The following KCTD8 variants were observed in gnomAD, a reference collection of about 807,000 sequenced individuals.
KCTD8 encodes BTB/POZ domain-containing protein KCTD8.
In KCTD8, 27 loss-of-function variants were observed where a neutral mutation model predicts 31.5. The ratio of observed to expected loss-of-function variants is 0.86; its 90% CI spans 0.63 to 1.18. The LOEUF is 1.18. Ranked by LOEUF, KCTD8 falls within the 50% of genes most tolerant of loss-of-function variation. The pLI, the probability that KCTD8 is intolerant of heterozygous loss-of-function variation, is 0.00. For synonymous variants in KCTD8, 290 were observed against 280.0 expected (o/e 1.04, Z -0.36); for missense variants, 658 against 647.7 (o/e 1.02, Z -0.17).
intron 1 of KCTD8, among the ~76,000 whole-genome samples, chr4:44,444,935 A>G (rs920262363): frequency 5.9e-5 from 9 of 152,206 alleles, no homozygotes; most frequent in African/African-American, 2.2e-4. Context: ...CACACAACAA[A>G]TAAATATTTG....
intron 1 of KCTD8, among the ~76,000 whole-genome samples, chr4:44,220,015 G>A (rs1357742979): frequency 6.6e-6 from 1 of 152,154 alleles, no homozygotes; most frequent in Non-Finnish European, 1.5e-5. Flanking sequence ...TTCTGTTTTA[G>A]AAGTAATGGT....
intron 1 of KCTD8, among the ~76,000 whole-genome samples, chr4:44,187,931 A>T (rs1470508965): frequency 6.6e-6 from 1 of 151,686 alleles, no homozygotes. Context: ...AGTGACAATA[A>T]GGGAAGCAGA....
chr4:44,329,452 A>AT (rs1279221541), intron 1 of KCTD8, among the ~76,000 whole-genome samples: 1 of 151,924 alleles, frequency 6.6e-6, no homozygotes, highest in East Asian at 1.9e-4. Context: ...TTATCTTCTA[A>AT]TTTTTTAAAG....
At chr4:44,234,333 C>G (rs1237491171) in intron 1 of KCTD8, among the ~76,000 whole-genome samples, 1 of 152,110 alleles carries the variant, frequency 6.6e-6, no homozygotes, top group Admixed American at 6.6e-5. Context: ...TAGGAGGCTC[C>G]AATCTACTCT....
chr4:44,253,247 A>G (rs1029246365), intron 1 of KCTD8, among the ~76,000 whole-genome samples: 8 of 151,744 alleles, frequency 5.3e-5, no homozygotes, highest in African/African-American at 1.7e-4. Flanking sequence ...GAGTCATGCC[A>G]TCTGGGCCTG....
At chr4:44,291,062 T>G (rs777873204) in intron 1 of KCTD8, among the ~76,000 whole-genome samples, 1 of 151,910 alleles carries the variant, frequency 6.6e-6, no homozygotes, top group Non-Finnish European at 1.5e-5. Context: ...TATTAGACCA[T>G]TAGATAGATT....
chr4:44,318,520 A>G (rs1718204841), intron 1 of KCTD8, among the ~76,000 whole-genome samples: 1 of 152,228 alleles, frequency 6.6e-6, no homozygotes. Flanking sequence ...GGAATAATCA[A>G]TATTGCTAAA....
intron 1 of KCTD8, among the ~76,000 whole-genome samples, chr4:44,273,156 T>TA (rs1040682071): frequency 8.6e-5 from 13 of 151,810 alleles, no homozygotes; most frequent in Non-Finnish European, 1.3e-4. Flanking sequence ...GTTTCCAAAG[T>TA]AAAAAAAATC....
At chr4:44,375,740 C>T (rs994332955) in intron 1 of KCTD8, among the ~76,000 whole-genome samples, 7 of 152,056 alleles carry the variant, frequency 4.6e-5, no homozygotes, top group African/African-American at 1.7e-4. Context: ...ACTGGGAAGG[C>T]AGAACAGACG....
At chr4:44,418,181 T>C (rs950166835) in intron 1 of KCTD8, among the ~76,000 whole-genome samples, 6 of 152,064 alleles carry the variant, frequency 3.9e-5, no homozygotes, top group Non-Finnish European at 7.4e-5. Context: ...CACCTAACTA[T>C]ATGGCTTTAA....
At chr4:44,440,064 T>G (rs1721780563) in intron 1 of KCTD8, among the ~76,000 whole-genome samples, 1 of 151,996 alleles carries the variant, frequency 6.6e-6, no homozygotes, top group African/African-American at 2.4e-5. Context: ...CCCAAGTAGC[T>G]GGGATTACAG....
Position 44,447,639 on chromosome 4 carries a change from G to T in KCTD8, c.885C>A (p.Ser295=). 1.2e-6 allele frequency: 2 copies of T among 1,608,638 alleles called. No homozygotes were observed. The highest frequency in any genetic ancestry group is 1.1e-5 in the South Asian group (1 of 89,938). ...EAGFHMVACN[S]SGTAAFVNQY... is the part of the protein sequence containing the mutation. ...GGTTGACGAAGGCGGCGGTGCCCGA[G>T]GAGTTACACGCCACCATGTGGAAGC... is the stretch of plus-strand genomic sequence containing the variant. The change falls in exon 1 of 2, where the codon TCC becomes TCA. Residue 295 remains serine (S), a synonymous_variant. Transcript: ENST00000360029.
intron 1 of KCTD8, among the ~76,000 whole-genome samples, chr4:44,223,940 A>T (rs535657885): frequency 1.3e-3 from 191 of 152,314 alleles, no homozygotes; most frequent in African/African-American, 4.3e-3. Flanking sequence ...AGCCTGAAAT[A>T]TTTATTATCT....
intron 1 of KCTD8, among the ~76,000 whole-genome samples, chr4:44,332,138 C>G (rs1428690296): frequency 1.3e-5 from 2 of 151,786 alleles, no homozygotes; most frequent in African/African-American, 2.4e-5. Flanking sequence ...TTTCACTGAT[C>G]GTTCAATTAT....
chr4:44,308,623 A>G (rs984654535), intron 1 of KCTD8, among the ~76,000 whole-genome samples: 4 of 152,108 alleles, frequency 2.6e-5, no homozygotes, highest in African/African-American at 9.7e-5. Context: ...CAGATGTACT[A>G]TTAAATGAGA....
chr4:44,232,053 G>A (rs775007706), intron 1 of KCTD8, among the ~76,000 whole-genome samples: 12 of 151,902 alleles, frequency 7.9e-5, no homozygotes, highest in Admixed American at 1.3e-4. Flanking sequence ...TGGGCAGAAG[G>A]GATGTTTGAT....
At chr4:44,362,005 A>G (rs1719510515) in intron 1 of KCTD8, among the ~76,000 whole-genome samples, 1 of 152,140 alleles carries the variant, frequency 6.6e-6, no homozygotes, top group Admixed American at 6.6e-5. Flanking sequence ...ACATTTAATC[A>G]GGAATCAGGG....
chr4:44,368,122 A>T (rs1719689979), intron 1 of KCTD8, among the ~76,000 whole-genome samples: 3 of 152,138 alleles, frequency 2.0e-5, no homozygotes, highest in Non-Finnish European at 4.4e-5. Flanking sequence ...CATGCCTGTA[A>T]TCTCAGCACT....
In KCTD8 at chr4:44,345,941, A is replaced by C. The variant is rs546455486; in HGVS notation, c.961+101622T>G. On this transcript the variant is annotated intron_variant, in intron 1 of 1. Transcript: ENST00000360029. ...GCTGCACTCTGGGAAACAAAAAAAA[A>C]CCACATACAATGAAAGAAATACAAG... is the stretch of plus-strand genomic sequence containing the variant. 3.3e-5 allele frequency among the ~76,000 whole-genome samples: 5 copies of C among 151,544 alleles called. No homozygotes were observed. The South Asian group carries it at 6.2e-4, about 19-fold the overall frequency.
Sources: allele counts gnomAD v4.1 joint callset (sites outside exome capture counted in the v4.1 genomes callset), GRCh38; gene constraint gnomAD v4.1.1; transcripts MANE v1.5; gene names NCBI Gene and HGNC (gene_info 2026-07-23, HGNC 2026-07-21).